The following ERG variants were observed in gnomAD, a reference collection of about 807,000 sequenced individuals.
The protein encoded by ERG is ETS transcription factor ERG.
In ERG, 9 loss-of-function variants were observed where a neutral mutation model predicts 55.3. The observed-to-expected ratio is 0.16, with a 90% CI of 0.10 to 0.28. ERG has a LOEUF of 0.28. Among genes scored for constraint, ERG ranks in the 10% least tolerant of loss-of-function variants. The probability of loss-of-function intolerance (pLI) is 1.00; values close to 1 mark genes in which losing one functional copy is unlikely to be tolerated. For missense variants in ERG, 434 were observed against 631.6 expected (o/e 0.69, Z 3.35); for synonymous variants, 223 against 237.3 (o/e 0.94, Z 0.55).
chr21:38,429,932 A>G lies in ERG; in HGVS notation c.237-6371T>C, dbSNP rs114079777. Among the ~76,000 whole-genome samples, 783 of 152,226 alleles carry G rather than the reference A, an allele frequency of 5.1e-3. 4 individuals carry two copies. The highest frequency in any genetic ancestry group is 0.018 in the African/African-American group (747 of 41,524). ...TGGATCAAATGGTAGTTTTACTTCT[A>G]ATTTTCCATACTGTTTTCCACAGTG... is the stretch of plus-strand genomic sequence containing the variant. On this transcript the variant is annotated intron_variant, in intron 2 of 9. Transcript: ENST00000288319.
chr21:38,543,952 G>A (rs2059771646), intron 2 of ERG, among the ~76,000 whole-genome samples: 1 of 152,014 alleles, frequency 6.6e-6, no homozygotes, highest in African/African-American at 2.4e-5. Flanking sequence ...GGCCAGGCTG[G>A]TCGTCTCAAA....
At chr21:38,615,993 A>G (rs1052330966) in intron 1 of ERG, among the ~76,000 whole-genome samples, 3 of 152,044 alleles carry the variant, frequency 2.0e-5, no homozygotes, top group Non-Finnish European at 4.4e-5. Context: ...TGTAATCCCC[A>G]CGTGTCAAGG....
chr21:38,599,069 C>A (rs1317673642), intron 1 of ERG, among the ~76,000 whole-genome samples: 1 of 152,130 alleles, frequency 6.6e-6, no homozygotes, highest in Non-Finnish European at 1.5e-5. Flanking sequence ...AAGGGTTCCC[C>A]TAGGGTTCTG....
chr21:38,445,692 T>C, intron 1 of ERG, 71 bp from the exon 2 acceptor site: 4 of 1,282,008 alleles, frequency 3.1e-6, no homozygotes, highest in Non-Finnish European at 4.5e-6. Flanking sequence ...GTTGTTGATT[T>C]CAGAGTCCTT....
At chr21:38,526,110 C>T (rs1435712100) in intron 2 of ERG, among the ~76,000 whole-genome samples, 1 of 152,152 alleles carries the variant, frequency 6.6e-6, no homozygotes, top group African/African-American at 2.4e-5. Flanking sequence ...TGTGCAGGTG[C>T]TGTGTGTGAG....
At chr21:38,482,721 A>G (rs1330699829) in intron 1 of ERG, among the ~76,000 whole-genome samples, 1 of 151,276 alleles carries the variant, frequency 6.6e-6, no homozygotes, top group Non-Finnish European at 1.5e-5. Context: ...TCTGTTGCCC[A>G]GGCTGGAGTG....
intron 1 of ERG, among the ~76,000 whole-genome samples, chr21:38,466,113 C>T (rs1161057133): frequency 6.6e-6 from 1 of 152,074 alleles, no homozygotes; most frequent in African/African-American, 2.4e-5. Flanking sequence ...TTAAATTTGT[C>T]CCCAGTACTA....
At chr21:38,483,442 A>G (rs2059255742) in intron 1 of ERG, among the ~76,000 whole-genome samples, 1 of 152,260 alleles carries the variant, frequency 6.6e-6, no homozygotes, top group Non-Finnish European at 1.5e-5. Context: ...AAATAAATCA[A>G]AAAGTCATAG....
At chr21:38,602,441 T>G (rs930505077) in intron 1 of ERG, among the ~76,000 whole-genome samples, 8 of 151,852 alleles carry the variant, frequency 5.3e-5, no homozygotes, top group African/African-American at 1.9e-4. Context: ...CGGGACTCTG[T>G]CTCAAAAATA....
chr21:38,567,174 C>T (rs1264814931), intron 2 of ERG, among the ~76,000 whole-genome samples: 1 of 152,088 alleles, frequency 6.6e-6, no homozygotes, highest in Admixed American at 6.5e-5. Context: ...AGGAACTGAG[C>T]ACCGCATTGG....
chr21:38,435,636 A>G (rs1157730727), intron 2 of ERG, among the ~76,000 whole-genome samples: 1 of 152,156 alleles, frequency 6.6e-6, no homozygotes, highest in Non-Finnish European at 1.5e-5. Flanking sequence ...CAGCTCACCA[A>G]CAGTTAGTTC....
chr21:38,565,654 G>A lies in ERG; in HGVS notation c.-41+10008C>T, dbSNP rs913271199. 5.3e-5 allele frequency among the ~76,000 whole-genome samples: 8 copies of A among 152,070 alleles called. 1 individual carries two copies. The South Asian group carries it at 8.3e-4, about 16-fold the overall frequency. ...TACGGCTCATGCTCCCACTCCCTTC[G>A]GGTCTCAGCTTGAATGTCACCTCCT... On this transcript the variant is annotated intron_variant, in intron 2 of 8. Transcript: ENST00000398897.
chr21:38,505,472 T>C (rs951953407), intron 2 of ERG, among the ~76,000 whole-genome samples: 1 of 152,228 alleles, frequency 6.6e-6, no homozygotes, highest in African/African-American at 2.4e-5. Flanking sequence ...TGAAAATGTG[T>C]TAAATCCCGT....
At chr21:38,650,256 T>G (rs548947739) in intron 1 of ERG, among the ~76,000 whole-genome samples, 1 of 152,304 alleles carries the variant, frequency 6.6e-6, no homozygotes, top group East Asian at 1.9e-4. Flanking sequence ...TAAAAACAAA[T>G]TTCTTATTCA....
At chr21:38,369,816 TA>T in the ERG span, among the ~76,000 whole-genome samples, 1 of 152,100 alleles carries the variant, frequency 6.6e-6, no homozygotes, top group Non-Finnish European at 1.5e-5. Flanking sequence ...AGAGGGGGTC[TA>T]GTTTCAATAT....
At chr21:38,536,545 C>A (rs2059711972) in intron 2 of ERG, among the ~76,000 whole-genome samples, 1 of 152,148 alleles carries the variant, frequency 6.6e-6, no homozygotes, top group Admixed American at 6.5e-5. Flanking sequence ...ACTGTTTGCA[C>A]AGCTGTATCC....
intron 1 of ERG, among the ~76,000 whole-genome samples, chr21:38,455,359 A>G (rs2058978396): frequency 6.6e-6 from 1 of 151,934 alleles, no homozygotes; most frequent in Admixed American, 6.6e-5. Context: ...CCAGGTTGAA[A>G]CTCAGGTGAT....
intron 2 of ERG, among the ~76,000 whole-genome samples, chr21:38,443,852 T>A (rs1462982732): frequency 6.6e-6 from 1 of 152,218 alleles, no homozygotes; most frequent in Admixed American, 6.5e-5. Flanking sequence ...ACCCAGGTCC[T>A]TCTGTAACTC....
In ERG at chr21:38,650,463, C is replaced by T. The variant is rs139064119; in HGVS notation, c.-150+11195G>A. Among the ~76,000 whole-genome samples the T allele has an allele frequency of 2.9e-3, 442 of 152,240 alleles. 1 individual carries two copies. The highest frequency in any genetic ancestry group is 0.01 in the Middle Eastern group (3 of 294). On this transcript the variant is annotated intron_variant, in intron 1 of 10. Transcript: ENST00000398910. ...CCAGCCTGGGCAACATGGCGAAACC[C>T]TGTCTCTACTAACAATACAAAAAAT... is the stretch of plus-strand genomic sequence containing the variant.
Sources: gnomAD v4.1 joint callset for allele counts (sites outside exome capture counted in the v4.1 genomes callset) on GRCh38, gnomAD v4.1.1 for gene constraint, MANE v1.5 for transcripts, NCBI Gene and HGNC (gene_info 2026-07-23, HGNC 2026-07-21) for gene names.